Variants in SPAG16 observed in about 807,000 individuals in gnomAD.
SPAG16 encodes sperm associated antigen 16.
A neutral mutation model predicts 80.4 loss-of-function variants in SPAG16; 86 were observed. That is an observed-to-expected ratio of 1.07 (90% CI 0.90 to 1.28). SPAG16 has a LOEUF of 1.28. SPAG16 is among the 50% of genes most tolerant of loss of function. The probability of loss-of-function intolerance (pLI) is 0.00; values close to 1 mark genes in which losing one functional copy is unlikely to be tolerated. For missense variants in SPAG16, 870 were observed against 765.3 expected (o/e 1.14, Z -1.61); for synonymous variants, 294 against 265.9 (o/e 1.11, Z -1.03).
chr2:213,759,095 C>T (rs757292189), intron 10 of SPAG16, among the ~76,000 whole-genome samples: 4 of 152,032 alleles, frequency 2.6e-5, no homozygotes, highest in African/African-American at 4.8e-5. Flanking sequence ...AAAGTGAGGG[C>T]GAAATTAAGA....
At chr2:213,430,238 G>C (rs183558333) in intron 9 of SPAG16, among the ~76,000 whole-genome samples, 119 of 152,298 alleles carry the variant, frequency 7.8e-4, no homozygotes, top group African/African-American at 2.7e-3. Flanking sequence ...AGACCAAAAA[G>C]AAAAGAGCAT....
chr2:213,644,269 T>C (rs1013373676), intron 10 of SPAG16, among the ~76,000 whole-genome samples: 2 of 152,122 alleles, frequency 1.3e-5, no homozygotes, highest in African/African-American at 4.8e-5. Context: ...TTGAATTTCT[T>C]TGTGTTTCTT....
At chr2:214,267,261 A>G (rs182917050) in intron 15 of SPAG16, among the ~76,000 whole-genome samples, 1 of 151,964 alleles carries the variant, frequency 6.6e-6, no homozygotes, top group Non-Finnish European at 1.5e-5. Flanking sequence ...CAAACCTATA[A>G]TAATCCAAAC....
At chr2:214,057,705 ATCT>A (rs2050020046) in intron 13 of SPAG16, among the ~76,000 whole-genome samples, 1 of 152,184 alleles carries the variant, frequency 6.6e-6, no homozygotes, top group African/African-American at 2.4e-5. Context: ...CCTAGATGGC[ATCT>A]TCTTCCAATA....
intron 9 of SPAG16, among the ~76,000 whole-genome samples, chr2:213,479,057 T>A (rs910075782): frequency 1.3e-5 from 2 of 151,692 alleles, no homozygotes; most frequent in African/African-American, 4.8e-5. Context: ...TAAACATGTA[T>A]TCTTTTCTCT....
chr2:213,762,111 A>G (rs2068696874), intron 10 of SPAG16, among the ~76,000 whole-genome samples: 1 of 152,244 alleles, frequency 6.6e-6, no homozygotes, highest in African/African-American at 2.4e-5. Context: ...ACACATGATT[A>G]TCTCAATTGC....
chr2:213,613,651 C>G (rs1465884609), intron 10 of SPAG16, among the ~76,000 whole-genome samples: 1 of 152,112 alleles, frequency 6.6e-6, no homozygotes, highest in Non-Finnish European at 1.5e-5. Context: ...GTGCTTTTTT[C>G]TCCTTAGCAC....
In SPAG16 at chr2:213,924,417, C is replaced by T. The variant is rs184696449; in HGVS notation, c.1215-5543C>T. Among the ~76,000 whole-genome samples, 3 of 152,272 alleles carry T rather than the reference C, an allele frequency of 2.0e-5. No individual in the cohort carries two copies. In the East Asian group the frequency reaches 5.8e-4, roughly 29 times the overall value. On this transcript the variant is annotated intron_variant, in intron 11 of 15. Transcript: ENST00000331683. ...AGAGGTTCTTCTGCGCCACATTGAT[C>T]CCAGACAGATAGCTTTGCTCCTCTC...
chr2:214,001,116 G>C, intron 12 of SPAG16, among the ~76,000 whole-genome samples: 1 of 152,284 alleles, frequency 6.6e-6, no homozygotes, highest in Non-Finnish European at 1.5e-5. Context: ...TTAATTGATA[G>C]AAAGAAGTTT....
At position 213,852,436 on chromosome 2, in the gene SPAG16, A is replaced by G. The variant is rs150248126; in HGVS notation, c.1071-10049A>G. 8.1e-3 allele frequency among the ~76,000 whole-genome samples: 1,237 copies of G among 152,292 alleles called. 64 individuals are homozygous for G. The highest frequency in any genetic ancestry group is 0.075 in the Admixed American group (1,140 of 15,294). On this transcript the variant is annotated intron_variant, in intron 10 of 15. Transcript: ENST00000331683. Reference sequence around the variant, plus strand: ...TCTTTCTTCAGTCTAAAAGCCCTATATGACTTTGGTACTCGCCTTCCTCTC... The same window carrying G: ...TCTTTCTTCAGTCTAAAAGCCCTATGTGACTTTGGTACTCGCCTTCCTCTC...
At chr2:213,934,664 A>T (rs1188026291) in intron 12 of SPAG16, among the ~76,000 whole-genome samples, 1 of 152,308 alleles carries the variant, frequency 6.6e-6, no homozygotes, top group Admixed American at 6.5e-5. Flanking sequence ...ATTAGCCTCA[A>T]TTAGTTAAGT....
chr2:213,355,902 C>G (rs2065622617), intron 7 of SPAG16, among the ~76,000 whole-genome samples: 1 of 152,124 alleles, frequency 6.6e-6, no homozygotes. Flanking sequence ...CAACTTCCAA[C>G]TATGTTGAAT....
At chr2:213,556,077 G>T (rs1001696382) in intron 10 of SPAG16, among the ~76,000 whole-genome samples, 1 of 151,668 alleles carries the variant, frequency 6.6e-6, no homozygotes, top group Non-Finnish European at 1.5e-5. Context: ...ACCTATAGTA[G>T]ATACTCAAAA....
intron 10 of SPAG16, among the ~76,000 whole-genome samples, chr2:213,767,520 A>G (rs569701668): frequency 6.6e-6 from 1 of 152,134 alleles, no homozygotes; most frequent in South Asian, 2.1e-4. Flanking sequence ...ATAAAAATAA[A>G]TTAGCCAGGC....
chr2:213,537,918 T>A (rs1378592410), intron 10 of SPAG16, among the ~76,000 whole-genome samples: 1 of 152,198 alleles, frequency 6.6e-6, no homozygotes, highest in Admixed American at 6.5e-5. Flanking sequence ...TTCCAATTAT[T>A]GCTTCTTAAT....
intron 13 of SPAG16, among the ~76,000 whole-genome samples, chr2:214,096,830 T>C (rs1437629685): frequency 6.6e-6 from 1 of 152,102 alleles, no homozygotes; most frequent in African/African-American, 2.4e-5. Context: ...TTCACAGATA[T>C]GGTTAGTTAT....
chr2:213,801,945 C>T (rs1295773704), intron 10 of SPAG16, among the ~76,000 whole-genome samples: 1 of 152,234 alleles, frequency 6.6e-6, no homozygotes, highest in South Asian at 2.1e-4. Flanking sequence ...CGCCAAGTCA[C>T]ATTATAAGTT....
chr2:213,626,050 T>A (rs1267233124), intron 10 of SPAG16, among the ~76,000 whole-genome samples: 3 of 152,170 alleles, frequency 2.0e-5, no homozygotes, highest in African/African-American at 7.2e-5. Context: ...CTGGAGTTTG[T>A]CCTTTTATAT....
chr2:213,781,296 A>G (rs1207390454), intron 10 of SPAG16, among the ~76,000 whole-genome samples: 1 of 152,180 alleles, frequency 6.6e-6, no homozygotes, highest in African/African-American at 2.4e-5. Flanking sequence ...AAACTTATAT[A>G]GAATATTTTT....
Sources: gnomAD v4.1 joint callset for allele counts (sites outside exome capture counted in the v4.1 genomes callset) on GRCh38, gnomAD v4.1.1 for gene constraint, MANE v1.5 for transcripts, NCBI Gene and HGNC (gene_info 2026-07-23, HGNC 2026-07-21) for gene names.